Variants in LMBR1 observed in about 807,000 individuals in gnomAD.
The protein encoded by LMBR1 is limb region 1 protein homolog.
In LMBR1, 52 loss-of-function variants were observed where a neutral mutation model predicts 73.9. That is an observed-to-expected ratio of 0.70 (90% CI 0.56 to 0.89). The LOEUF (loss-of-function observed/expected upper bound fraction) is 0.89, where lower values mean the gene tolerates loss of function less well. Ranked by LOEUF, LMBR1 falls within the 40% of genes least tolerant of loss-of-function variation. The pLI, the probability that LMBR1 is intolerant of heterozygous loss-of-function variation, is 0.00. For missense variants in LMBR1, 539 were observed against 579.8 expected (o/e 0.93, Z 0.72); for synonymous variants, 215 against 209.4 (o/e 1.03, Z -0.23).
chr7:156,743,613 ACT>A (rs1289753283), intron 9 of LMBR1, among the ~76,000 whole-genome samples: 2 of 151,640 alleles, frequency 1.3e-5, no homozygotes, highest in African/African-American at 2.4e-5. Context: ...TTTTTATGTA[ACT>A]CTGTAATTTC....
At chr7:156,858,181 G>A (rs1226187410) in intron 1 of LMBR1, among the ~76,000 whole-genome samples, 1 of 149,528 alleles carries the variant, frequency 6.7e-6, no homozygotes, top group Non-Finnish European at 1.5e-5. Flanking sequence ...CAATAAAATT[G>A]ATAAACCTCT....
chr7:156,688,296 T>C (rs1806392428), intron 15 of LMBR1, 105 bp from the exon 16 acceptor site: 1 of 728,430 alleles, frequency 1.4e-6, no homozygotes, highest in Non-Finnish European at 2.2e-6. Context: ...ACTTTCTCAC[T>C]TCTGTGACGT....
At chr7:156,841,111 G>T (rs1586163549) in intron 1 of LMBR1, among the ~76,000 whole-genome samples, 1 of 152,026 alleles carries the variant, frequency 6.6e-6, no homozygotes, top group Admixed American at 6.6e-5. Flanking sequence ...ATGGAATTCT[G>T]GGCACGTTTT....
rs764857028 is a variant in LMBR1, at chr7:156,763,106, A to G, written c.619+2T>C. On this transcript the variant is annotated splice_donor_variant, in intron 7 of 16. Coordinates refer to ENST00000353442, the MANE Select transcript of LMBR1 (RefSeq NM_022458.4). LOFTEE classifies it high-confidence loss of function. ...TTAATATCAAGTCTGAAAAATACTT[A>G]CAGAGAAGTAACAAACATCCCATCA... 7.4e-7 allele frequency: 1 copy of G among 1,345,344 alleles called. No homozygotes were observed. The highest frequency in any genetic ancestry group is 1.0e-6 in the Non-Finnish European group (1 of 956,042). The allele number at this position is 1,345,344 out of a possible 1,614,324, so 83.3% of individuals were successfully genotyped here.
downstream of LMBR1, chr7:156,675,560 T>C (rs929280116): frequency 1.0e-5 from 7 of 675,328 alleles, no homozygotes; most frequent in African/African-American, 9.1e-5. Context: ...TAGACATATA[T>C]CTATTTCCCT....
intron 1 of LMBR1, among the ~76,000 whole-genome samples, chr7:156,852,784 C>T (rs1006251497): frequency 1.3e-4 from 20 of 152,134 alleles, no homozygotes; most frequent in African/African-American, 4.3e-4. Context: ...CCATGATGCA[C>T]AGAACAGACC....
intron 4 of LMBR1, among the ~76,000 whole-genome samples, chr7:156,821,555 A>G (rs1834800443): frequency 6.6e-6 from 1 of 152,248 alleles, no homozygotes; most frequent in Admixed American, 6.5e-5. Context: ...ACCATGGCCA[A>G]TGGTTTGGCC....
chr7:156,787,263 G>A (rs1828287933), intron 5 of LMBR1, among the ~76,000 whole-genome samples: 1 of 152,158 alleles, frequency 6.6e-6, no homozygotes. Flanking sequence ...CTCCCCTGCT[G>A]AGGAAACCAT....
chr7:156,876,066 T>C (rs1017514788), intron 1 of LMBR1, among the ~76,000 whole-genome samples: 5 of 152,148 alleles, frequency 3.3e-5, no homozygotes, highest in African/African-American at 1.2e-4. Flanking sequence ...ATCTGCTGCC[T>C]TCAAGAGACT....
intron 1 of LMBR1, among the ~76,000 whole-genome samples, chr7:156,841,636 A>C (rs1161380238): frequency 1.3e-5 from 2 of 152,180 alleles, no homozygotes; most frequent in African/African-American, 4.8e-5. Context: ...GACAGTGTCA[A>C]ACACTGCTGA....
chr7:156,735,546 G>GT (rs1478127077), intron 9 of LMBR1, among the ~76,000 whole-genome samples: 3 of 64,564 alleles, frequency 4.6e-5, no homozygotes, highest in African/African-American at 1.2e-4. Flanking sequence ...TTTAAGAGTG[G>GT]TGTTTTTTTT....
chr7:156,888,396 C>T (rs13229688), intron 1 of LMBR1, among the ~76,000 whole-genome samples: 1,632 of 135,644 alleles, frequency 0.012, 22 homozygotes, highest in Middle Eastern at 0.021. Flanking sequence ...GGAAACACAG[C>T]GAGACTCTGT....
intron 4 of LMBR1, among the ~76,000 whole-genome samples, chr7:156,797,861 CTT>C (rs1200175349): frequency 1.3e-5 from 2 of 152,052 alleles, no homozygotes; most frequent in Non-Finnish European, 2.9e-5. Flanking sequence ...AAAGTAAAAT[CTT>C]TTATAAAACA....
chr7:156,709,480 A>G (rs1811640186), intron 15 of LMBR1, among the ~76,000 whole-genome samples: 2 of 152,198 alleles, frequency 1.3e-5, no homozygotes, highest in Non-Finnish European at 2.9e-5. Context: ...ACTCCACCAA[A>G]GCAGATGCTG....
intron 15 of LMBR1, among the ~76,000 whole-genome samples, chr7:156,721,851 A>T (rs1814649244): frequency 1.3e-5 from 2 of 152,122 alleles, no homozygotes; most frequent in Admixed American, 6.6e-5. Flanking sequence ...AAAATTTTTC[A>T]TTCAAATATA....
rs1563118477 is a variant in LMBR1 at position 156,681,261 on chromosome 7, T to C, written c.*2817A>G. 1 of 426,838 alleles carries C rather than the reference T, an allele frequency of 2.3e-6. No homozygotes were observed. Among genetic ancestry groups the C allele is most frequent in the Non-Finnish European group, 4.6e-6 (1 of 219,378 alleles). The allele number at this position is 426,838 out of a possible 1,614,324, so 26.4% of individuals were successfully genotyped here. A position where few individuals can be genotyped will look rare whatever the true frequency, so the allele number is the denominator to read the frequency against. On this transcript the variant is annotated 3_prime_UTR_variant, in exon 17 of 17. Coordinates refer to ENST00000353442, the MANE Select transcript of LMBR1 (RefSeq NM_022458.4). ...GCAGATGGGGAGGCCGCACTGCCGC[T>C]GAGAGCAGGTACACGTGCGCCTTTA...
At chr7:156,887,376 T>C (rs905127186) in intron 1 of LMBR1, among the ~76,000 whole-genome samples, 5 of 151,064 alleles carry the variant, frequency 3.3e-5, no homozygotes, top group East Asian at 1.9e-4. Context: ...GGCAGGAGAA[T>C]TGCCTGAACC....
chr7:156,781,311 A>T (rs1827097897), intron 5 of LMBR1, among the ~76,000 whole-genome samples: 1 of 152,172 alleles, frequency 6.6e-6, no homozygotes, highest in African/African-American at 2.4e-5. Flanking sequence ...ACCACAGAAG[A>T]TCCTTTATGA....
chr7:156,830,524 T>C lies in LMBR1; in HGVS notation c.179+3229A>G, dbSNP rs540172150. On this transcript the variant is annotated intron_variant, in intron 3 of 16. Transcript: ENST00000353442. The stretch of plus-strand genomic sequence containing the variant: ...AGTGTTGATGACAAAGAAAGTTTCA[T>C]ATTTAGCATTTTGCTCACACCCTCC... Among the ~76,000 whole-genome samples, 11 of 152,320 alleles carry C rather than the reference T, an allele frequency of 7.2e-5. No individual in the cohort carries two copies. The South Asian group carries it at 2.1e-3, about 29-fold the overall frequency.
Sources: gnomAD v4.1 joint callset for allele counts (sites outside exome capture counted in the v4.1 genomes callset) on GRCh38, gnomAD v4.1.1 for gene constraint, MANE v1.5 for transcripts, NCBI Gene and HGNC (gene_info 2026-07-23, HGNC 2026-07-21) for gene names.